Variants in SDK1 observed in about 807,000 individuals in gnomAD.
SDK1 encodes sidekick cell adhesion molecule 1.
SDK1 carries 157 observed loss-of-function variants against 245.5 expected under a neutral mutation model. The observed-to-expected ratio is 0.64, with a 90% confidence interval of 0.56 to 0.73. SDK1 has a LOEUF of 0.73. Ranked by LOEUF, SDK1 falls within the 30% of genes least tolerant of loss-of-function variation. The pLI, the probability that SDK1 is intolerant of heterozygous loss-of-function variation, is 0.00. For synonymous variants in SDK1, 1,647 were observed against 1,278.5 expected, an observed-to-expected ratio of 1.29 and a Z score of -6.15; for missense variants, 3,583 against 3,002.3, an observed-to-expected ratio of 1.19 and a Z score of -4.52.
At chr7:3,744,770 C>T (rs1779570706) in intron 4 of SDK1, among the ~76,000 whole-genome samples, 2 of 151,540 alleles carry the variant, frequency 1.3e-5, no homozygotes, top group African/African-American at 4.9e-5. Context: ...GGAGATCACA[C>T]CAATGCACTC....
intron 6 of SDK1, 53 bp downstream of exon 6, chr7:3,951,087 C>A (rs530067974): frequency 7.7e-7 from 1 of 1,301,156 alleles, no homozygotes; most frequent in Non-Finnish European, 1.1e-6. Context: ...TGACCTGTGA[C>A]GAGCCGACGA....
At chr7:3,672,416 T>C (rs908017948) in intron 4 of SDK1, among the ~76,000 whole-genome samples, 18 of 151,422 alleles carry the variant, frequency 1.2e-4, no homozygotes, top group African/African-American at 4.1e-4. Flanking sequence ...GCTGTGTTTA[T>C]ACTTCTACTG....
rs191928872 is a variant in SDK1, at chr7:3,901,890, C to T, written c.848-49033C>T. 4.1e-3 allele frequency among the ~76,000 whole-genome samples: 619 copies of T among 152,226 alleles called. 12 individuals are homozygous for T. The highest frequency in any genetic ancestry group is 0.034 in the Admixed American group (514 of 15,296). On this transcript the variant is annotated intron_variant, in intron 5 of 44. Coordinates refer to ENST00000404826, the MANE Select transcript of SDK1 (RefSeq NM_152744.4). ...GTTAATTGAATATGTTATAATATCC[C>T]GTTACTCATTTAGGTGTTAACATTG...
intron 15 of SDK1, 129 bp downstream of exon 15, chr7:4,011,242 C>T (rs1490158385): frequency 8.4e-7 from 1 of 1,185,552 alleles, no homozygotes; most frequent in African/African-American, 1.5e-5. Context: ...ACGGGACAAA[C>T]CGTGAGCAGA....
At chr7:4,079,951 TTAGC>T (rs1780948974) in intron 22 of SDK1, among the ~76,000 whole-genome samples, 1 of 152,230 alleles carries the variant, frequency 6.6e-6, no homozygotes, top group Non-Finnish European at 1.5e-5. Flanking sequence ...TTGTGTGTCA[TTAGC>T]TATGCATTCA....
intron 4 of SDK1, among the ~76,000 whole-genome samples, chr7:3,819,431 A>G (rs1779590293): frequency 6.6e-6 from 1 of 152,148 alleles, no homozygotes; most frequent in Non-Finnish European, 1.5e-5. Context: ...GATACTTCTG[A>G]GAAACAATAG....
chr7:4,062,991 C>T (rs1041607779), intron 19 of SDK1, among the ~76,000 whole-genome samples: 1 of 152,186 alleles, frequency 6.6e-6, no homozygotes, highest in African/African-American at 2.4e-5. Flanking sequence ...AAACCCACAG[C>T]TAACATCACA....
intron 2 of SDK1, among the ~76,000 whole-genome samples, chr7:3,623,245 CTTTTTTTTTTT>C (rs1183056855): frequency 8.5e-6 from 1 of 117,992 alleles, no homozygotes; most frequent in South Asian, 2.8e-4. Flanking sequence ...TGTTGTATTT[CTTTTTTTTTTT>C]TTTTTTTTTG....
chr7:3,839,957 A>G (rs1177187207), intron 5 of SDK1, among the ~76,000 whole-genome samples: 4 of 152,358 alleles, frequency 2.6e-5, no homozygotes, highest in Non-Finnish European at 4.4e-5. Context: ...TTGAAGGAGA[A>G]GAAGGAATGA....
At chr7:3,538,037 A>G (rs867569520) in intron 1 of SDK1, among the ~76,000 whole-genome samples, 6 of 152,206 alleles carry the variant, frequency 3.9e-5, no homozygotes, top group Non-Finnish European at 7.3e-5. Context: ...CCTTTCGTGG[A>G]GTCTTTCTTA....
intron 38 of SDK1, among the ~76,000 whole-genome samples, chr7:4,216,027 C>T (rs73048285): frequency 0.12 from 18,069 of 152,176 alleles, 1,471 homozygotes; most frequent in Non-Finnish European, 0.17. Flanking sequence ...CCAGCTGACT[C>T]TGCAGATACC....
In SDK1 at chr7:3,715,144, A is replaced by G. The variant is rs373514937; in HGVS notation, c.713+73039A>G. On this transcript the variant is annotated intron_variant, in intron 4 of 44. Transcript: ENST00000404826. ...TATATTCCAAAATAATTGCACATAT[A>G]ATTAGCTTATTTAGTGAGAGATACT... Among the ~76,000 whole-genome samples, 28 of 152,272 alleles carry G rather than the reference A, an allele frequency of 1.8e-4. No homozygotes were observed. The East Asian group carries it at 2.7e-3, about 15-fold the overall frequency.
chr7:3,789,245 T>C (rs999842157), intron 4 of SDK1, among the ~76,000 whole-genome samples: 4 of 152,106 alleles, frequency 2.6e-5, no homozygotes, highest in African/African-American at 9.7e-5. Context: ...CCTCCCAGGT[T>C]CAAGCGATTC....
intron 1 of SDK1, among the ~76,000 whole-genome samples, chr7:3,449,462 A>G (rs888765452): frequency 6.6e-6 from 1 of 151,984 alleles, no homozygotes; most frequent in African/African-American, 2.4e-5. Context: ...ATCTCTAGCC[A>G]GGAGTGGCTT....
intron 28 of SDK1, among the ~76,000 whole-genome samples, chr7:4,133,959 A>T (rs1785033563): frequency 6.6e-6 from 1 of 152,240 alleles, no homozygotes. Flanking sequence ...GTTTGAAGAA[A>T]GAGTTTCACA....
chr7:3,940,321 A>G (rs1780310933), intron 5 of SDK1, among the ~76,000 whole-genome samples: 1 of 152,260 alleles, frequency 6.6e-6, no homozygotes, highest in South Asian at 2.1e-4. Context: ...GGTGGAGGTC[A>G]GGACTTCTGC....
At chr7:3,778,507 G>T (rs1780630016) in intron 4 of SDK1, among the ~76,000 whole-genome samples, 1 of 152,112 alleles carries the variant, frequency 6.6e-6, no homozygotes, top group African/African-American at 2.4e-5. Flanking sequence ...GAATGTTTTT[G>T]TTTCATCTAA....
chr7:4,115,058 C>G (rs901941493), intron 25 of SDK1, among the ~76,000 whole-genome samples: 1 of 152,146 alleles, frequency 6.6e-6, no homozygotes, highest in African/African-American at 2.4e-5. Flanking sequence ...CTTCCGCTGG[C>G]CAACTGTGGG....
Position 3,585,617 on chromosome 7 carries a change from G to C in SDK1, c.299-33463G>C, listed in dbSNP as rs1199052742. Among the ~76,000 whole-genome samples the C allele has an allele frequency of 2.0e-5, 3 of 152,136 alleles. No homozygotes were observed. The East Asian group carries it at 5.8e-4, about 29-fold the overall frequency. ...AAATTGATCAGGGTCCTGGATTCCT[G>C]AGGTACATGGTCAGTGGTAACAGAG... is the stretch of plus-strand genomic sequence containing the variant. On this transcript the variant is annotated intron_variant, in intron 1 of 44. Transcript: ENST00000404826.
Sources: gnomAD v4.1 joint callset for allele counts (sites outside exome capture counted in the v4.1 genomes callset) on GRCh38, gnomAD v4.1.1 for gene constraint, MANE v1.5 for transcripts, NCBI Gene and HGNC (gene_info 2026-07-23, HGNC 2026-07-21) for gene names.